Variants in NUP37 observed in about 807,000 individuals in gnomAD.
The protein encoded by NUP37 is nucleoporin 37, also known as nucleoporin Nup37.
In NUP37, 33 loss-of-function variants were observed where a neutral mutation model predicts 45.4. The observed-to-expected ratio is 0.73, with a 90% confidence interval of 0.55 to 0.97. NUP37 has a LOEUF of 0.97. NUP37 is among the 50% of genes least tolerant of loss of function. NUP37 has a pLI of 0.00. For synonymous variants in NUP37, 127 were observed against 130.7 expected, an observed-to-expected ratio of 0.97 and a Z score of 0.19; for missense variants, 365 against 389.7, an observed-to-expected ratio of 0.94 and a Z score of 0.53.
intron 5 of NUP37, among the ~76,000 whole-genome samples, 190 bp downstream of exon 5, chr12:102,098,916 T>C (rs777752427): frequency 2.0e-5 from 3 of 152,220 alleles, no homozygotes; most frequent in East Asian, 1.9e-4. Context: ...TTTTCATTAA[T>C]GGTGATGAGG....
chr12:102,089,601 G>C (rs1239423188), intron 5 of NUP37, among the ~76,000 whole-genome samples: 1 of 142,650 alleles, frequency 7.0e-6, no homozygotes, highest in Non-Finnish European at 1.5e-5. Flanking sequence ...CCTCCCAGAC[G>C]AAGGGCGGCA....
intron 3 of NUP37, among the ~76,000 whole-genome samples, chr12:102,109,408 A>G (rs1880250796): frequency 6.6e-6 from 1 of 152,182 alleles, no homozygotes; most frequent in South Asian, 2.1e-4. Context: ...ATAAAAAAGC[A>G]AAGTAAAGAA....
intron 5 of NUP37, among the ~76,000 whole-genome samples, chr12:102,098,476 C>T (rs1042040344): frequency 6.6e-6 from 1 of 152,020 alleles, no homozygotes; most frequent in African/African-American, 2.4e-5. Flanking sequence ...AACTTGACAA[C>T]TGCATTTTAC....
rs1163056266 is a variant in NUP37, at chr12:102,081,841, GCAC to G, written c.540+3922_540+3924del. 2.6e-5 allele frequency among the ~76,000 whole-genome samples: 4 copies of G among 151,984 alleles called. No individual in the cohort carries two copies. In the East Asian group the frequency reaches 5.8e-4, roughly 22 times the overall value. ...CCAGAGTAGCTGGGACTACGGTCGA[GCAC>G]CACACCTGGCTAATGTTTGCATTTT... On this transcript the variant is annotated intron_variant, in intron 6 of 9. Coordinates refer to ENST00000552283, the MANE Select transcript of NUP37 (RefSeq NM_024057.4).
chr12:102,105,999 G>A (rs534586817), intron 3 of NUP37, among the ~76,000 whole-genome samples: 1 of 152,088 alleles, frequency 6.6e-6, no homozygotes, highest in Non-Finnish European at 1.5e-5. Flanking sequence ...GATCATCCTG[G>A]ATCTAGGGTG....
rs761124984 is a variant in NUP37, at chr12:102,118,541, G to T, written c.-23C>A. On this transcript the variant is annotated 5_prime_UTR_variant, in exon 2 of 10. In the 5' UTR this introduces an upstream ATG that the reference lacks. Coordinates refer to ENST00000552283, the MANE Select transcript of NUP37 (RefSeq NM_024057.4). ...CATCTTGTATGTCAAAATTCAAGCA[G>T]TTGTGAAAATTAAATAGCCTTCTAC... The T allele has an allele frequency of 1.9e-5, 30 of 1,601,070 alleles. No homozygotes were observed. The highest frequency in any genetic ancestry group is 2.6e-5 in the Non-Finnish European group (30 of 1,174,966).
intron 6 of NUP37, chr12:102,079,058 C>G: frequency 5.3e-6 from 2 of 379,176 alleles, no homozygotes; most frequent in East Asian, 7.2e-5. Context: ...AAAGTCCTTA[C>G]TTTTAAGCAG....
intron 1 of NUP37, among the ~76,000 whole-genome samples, 176 bp downstream of exon 1, chr12:102,119,874 T>C (rs1156978035): frequency 6.6e-6 from 1 of 152,092 alleles, no homozygotes; most frequent in Non-Finnish European, 1.5e-5. Context: ...GGGAACAAGA[T>C]AAGTCTCTGC....
At chr12:102,117,976 G>A (rs1327958569) in intron 2 of NUP37, among the ~76,000 whole-genome samples, 2 of 152,138 alleles carry the variant, frequency 1.3e-5, no homozygotes, top group African/African-American at 2.4e-5. Context: ...AAAATCTCCT[G>A]GAAGATTGTT....
In NUP37 at chr12:102,086,784, T is replaced by A. The variant is rs555852095; in HGVS notation, c.450-928A>T. Among the ~76,000 whole-genome samples, 25 of 152,170 alleles carry A rather than the reference T, an allele frequency of 1.6e-4. No homozygotes were observed. The South Asian group carries it at 4.8e-3, about 29-fold the overall frequency. The stretch of plus-strand genomic sequence containing the variant: ...TGGCAAAGTGCACATATAATTCTGA[T>A]CCTTAAGAACTGAACTTGACTGGGT... On this transcript the variant is annotated intron_variant, in intron 5 of 9. Transcript: ENST00000552283.
chr12:102,087,516 T>C (rs1879506067), intron 5 of NUP37, among the ~76,000 whole-genome samples: 1 of 152,320 alleles, frequency 6.6e-6, no homozygotes, highest in Admixed American at 6.5e-5. Flanking sequence ...TACAATTTAA[T>C]TGAAGAGAGA....
At chr12:102,105,768 G>A (rs865957761) in intron 3 of NUP37, among the ~76,000 whole-genome samples, 2 of 150,292 alleles carry the variant, frequency 1.3e-5, no homozygotes, top group Admixed American at 6.6e-5. Flanking sequence ...GGCTGAGGCA[G>A]GGAGAATCAC....
intron 2 of NUP37, among the ~76,000 whole-genome samples, chr12:102,112,607 G>C (rs1880348695): frequency 6.6e-6 from 1 of 152,034 alleles, no homozygotes; most frequent in Non-Finnish European, 1.5e-5. Context: ...GACCAGACTG[G>C]GCAACACAGT....
chr12:102,091,423 A>G (rs1879650621), intron 5 of NUP37, among the ~76,000 whole-genome samples: 1 of 145,472 alleles, frequency 6.9e-6, no homozygotes. Flanking sequence ...AAAAAAAAAA[A>G]AAAAACCCAA....
intron 5 of NUP37, among the ~76,000 whole-genome samples, chr12:102,093,119 A>G (rs1181752119): frequency 2.0e-5 from 3 of 152,074 alleles, no homozygotes; most frequent in African/African-American, 7.2e-5. Flanking sequence ...TGAAAATAAT[A>G]TGTCAAAATC....
chr12:102,095,254 A>C (rs1879771298), intron 5 of NUP37, among the ~76,000 whole-genome samples: 1 of 152,068 alleles, frequency 6.6e-6, no homozygotes, highest in Admixed American at 6.5e-5. Flanking sequence ...GGAGGAGATA[A>C]TAATTTTTTC....
chr12:102,096,336 A>G (rs1037195880), intron 5 of NUP37, among the ~76,000 whole-genome samples: 1 of 152,172 alleles, frequency 6.6e-6, no homozygotes, highest in Non-Finnish European at 1.5e-5. Flanking sequence ...CATCTTCCAT[A>G]ATAACATTTT....
At chr12:102,117,232 T>C (rs925638164) in intron 2 of NUP37, among the ~76,000 whole-genome samples, 1 of 152,068 alleles carries the variant, frequency 6.6e-6, no homozygotes, top group Non-Finnish European at 1.5e-5. Flanking sequence ...GGTAGGCAAA[T>C]GACTTGAGGT....
chr12:102,114,790 C>G (rs1880416954), intron 2 of NUP37, among the ~76,000 whole-genome samples: 2 of 152,196 alleles, frequency 1.3e-5, no homozygotes, highest in East Asian at 1.9e-4. Flanking sequence ...TCTCTGAACA[C>G]TTCCAGTGAC....
Sources: gnomAD v4.1 joint callset for allele counts (sites outside exome capture counted in the v4.1 genomes callset) on GRCh38, gnomAD v4.1.1 for gene constraint, MANE v1.5 for transcripts, NCBI Gene and HGNC (gene_info 2026-07-23, HGNC 2026-07-21) for gene names.